ENPP2: variants seen among roughly 807,000 people sequenced by gnomAD.
ENPP2 encodes ectonucleotide pyrophosphatase/phosphodiesterase 2.
ENPP2 carries 51 observed loss-of-function variants against 120.2 expected under a neutral mutation model. The ratio of observed to expected loss-of-function variants is 0.42; its 90% CI spans 0.34 to 0.54. ENPP2 has a LOEUF of 0.54. Among genes scored for constraint, ENPP2 ranks in the 20% least tolerant of loss-of-function variants. The pLI is 0.04. For missense variants in ENPP2, 920 were observed against 1,066.5 expected (o/e 0.86, Z 1.91); for synonymous variants, 365 against 366.4 (o/e 1.00, Z 0.04).
At chr8:119,579,896 A>AG (rs1306504382) in intron 19 of ENPP2, among the ~76,000 whole-genome samples, 1 of 152,116 alleles carries the variant, frequency 6.6e-6, no homozygotes, top group Non-Finnish European at 1.5e-5. Context: ...AAAGCTATTG[A>AG]GGGGGGAGAA....
At position 119,582,519 on chromosome 8, in the gene ENPP2, T is replaced by C. The variant is rs533864234; in HGVS notation, c.1627A>G (p.Thr543Ala). The change falls in exon 18 of 25, where the codon ACC becomes GCC. Residue 543 changes from threonine to alanine, a missense_variant. Transcript: ENST00000075322. Reference protein sequence around the residue: ...HLLRTNTFRPTMPEEVTRPNY... With the variant: ...HLLRTNTFRPAMPEEVTRPNY... ...GGTCTGGTAACTTCCTCTGGCATGG[T>C]TGGCCTGAAGGTATTAGTGCGCAGG... 1.8e-5 allele frequency: 29 copies of C among 1,613,890 alleles called. No individual in the cohort carries two copies. The highest frequency in any genetic ancestry group is 2.3e-5 in the Non-Finnish European group (27 of 1,179,746).
chr8:119,617,580 T>A lies in ENPP2; in HGVS notation c.480-17A>T, dbSNP rs1815555943. The A allele has an allele frequency of 6.4e-7, 1 of 1,552,096 alleles. No homozygotes were observed. Among genetic ancestry groups the A allele is most frequent in the South Asian group, 1.1e-5 (1 of 89,100 alleles). Reference sequence around the variant, plus strand: ...CGAACAAACCTTAAACAGTAACACATTAAGCTTTTAGAAACATTATTACCA... The same window carrying A: ...CGAACAAACCTTAAACAGTAACACAATAAGCTTTTAGAAACATTATTACCA... On this transcript the variant is annotated splice_polypyrimidine_tract_variant and intron_variant, in intron 5 of 24. Coordinates refer to ENST00000075322, the MANE Select transcript of ENPP2 (RefSeq NM_001040092.3).
At chr8:119,646,159 C>A (rs542905419) in intron 1 of ENPP2, among the ~76,000 whole-genome samples, 7 of 151,852 alleles carry the variant, frequency 4.6e-5, no homozygotes, top group African/African-American at 1.7e-4. Context: ...TTAGTAGAGA[C>A]GGGGTTTCAC....
At chr8:119,561,778 G>A (rs996972217) in intron 24 of ENPP2, among the ~76,000 whole-genome samples, 2 of 150,196 alleles carry the variant, frequency 1.3e-5, no homozygotes, top group Admixed American at 1.3e-4. Context: ...TTTCTCGCTT[G>A]CTCTTGCTTT....
chr8:119,569,507 G>A (rs1814775089), intron 20 of ENPP2, 137 bp from the exon 21 acceptor site: 3 of 743,274 alleles, frequency 4.0e-6, no homozygotes, highest in Admixed American at 3.5e-5. Flanking sequence ...ATCTTTGATA[G>A]TCTGACTTCT....
At chr8:119,658,526 C>T (rs1817830879) in intron 1 of ENPP2, among the ~76,000 whole-genome samples, 1 of 152,214 alleles carries the variant, frequency 6.6e-6, no homozygotes, top group Non-Finnish European at 1.5e-5. Context: ...TAGGTTCAAA[C>T]CTCAGCACTG....
At chr8:119,642,041 T>C (rs116972228), upstream of ENPP2, among the ~76,000 whole-genome samples, 1,034 of 152,332 alleles carry the variant, frequency 6.8e-3, 5 homozygotes, top group Admixed American at 0.013. Flanking sequence ...ACGCATAATA[T>C]AGAGCTTTAA....
At chr8:119,605,538 G>A (rs1415777472) in intron 9 of ENPP2, among the ~76,000 whole-genome samples, 24 of 150,194 alleles carry the variant, frequency 1.6e-4, no homozygotes, top group East Asian at 5.9e-4. Flanking sequence ...TCAGCTCACC[G>A]AAACCTCTGC....
intron 24 of ENPP2, among the ~76,000 whole-genome samples, chr8:119,560,041 C>T (rs1396244455): frequency 6.6e-6 from 1 of 152,054 alleles, no homozygotes; most frequent in Non-Finnish European, 1.5e-5. Context: ...AAATTTAGAT[C>T]GATTACAGAA....
chr8:119,559,894 G>A (rs1813783732), intron 24 of ENPP2, among the ~76,000 whole-genome samples: 1 of 152,158 alleles, frequency 6.6e-6, no homozygotes, highest in Non-Finnish European at 1.5e-5. Context: ...GCTTCTACAT[G>A]AACAGGTGAC....
chr8:119,648,180 C>G (rs780876770), intron 1 of ENPP2, among the ~76,000 whole-genome samples: 5 of 152,078 alleles, frequency 3.3e-5, no homozygotes, highest in African/African-American at 2.4e-5. Flanking sequence ...AAGCAAGTAC[C>G]TCAGTGCTAA....
intron 19 of ENPP2, among the ~76,000 whole-genome samples, chr8:119,574,450 C>G (rs1587359907): frequency 6.6e-6 from 1 of 151,802 alleles, no homozygotes; most frequent in African/African-American, 2.4e-5. Context: ...CAGACCGAGC[C>G]TTCATTCCAC....
chr8:119,645,582 T>C (rs1013600370), intron 1 of ENPP2, among the ~76,000 whole-genome samples: 5 of 152,104 alleles, frequency 3.3e-5, no homozygotes, highest in Non-Finnish European at 7.4e-5. Flanking sequence ...CCCAGTACTT[T>C]GGGAGGCCGA....
Position 119,638,524 on chromosome 8 carries a change from T to C in ENPP2, c.37A>G (p.Ile13Val). The change falls in exon 2 of 25, where the codon ATA (isoleucine) becomes GTA (valine). Residue 13 changes from isoleucine (I) to valine (V), a missense_variant. Coordinates refer to ENST00000075322, the MANE Select transcript of ENPP2 (RefSeq NM_001040092.3). ...RRSSFQSCQIISLFTFAVGVN... is the reference protein window; with the variant it reads ...RRSSFQSCQIVSLFTFAVGVN... ...CCAACGGCAAAAGTGAACAGGGATA[T>C]TATCTAAGAGAATAAAGAGACCAAG... The C allele has an allele frequency of 6.4e-7, 1 of 1,564,356 alleles. No individual in the cohort carries two copies.
chr8:119,659,069 C>A (rs1007590148), intron 1 of ENPP2, among the ~76,000 whole-genome samples: 1 of 152,048 alleles, frequency 6.6e-6, no homozygotes, highest in Non-Finnish European at 1.5e-5. Context: ...AGTCCCAGCA[C>A]TTTGGAAGGC....
intron 4 of ENPP2, among the ~76,000 whole-genome samples, chr8:119,621,074 A>G (rs1261687096): frequency 6.6e-6 from 1 of 152,190 alleles, no homozygotes; most frequent in Non-Finnish European, 1.5e-5. Flanking sequence ...CGTTTCCTCA[A>G]TAAACTGCAT....
chr8:119,600,624 G>T, intron 11 of ENPP2, 54 bp downstream of exon 11: 2 of 1,072,306 alleles, frequency 1.9e-6, no homozygotes, highest in Non-Finnish European at 2.9e-6. Flanking sequence ...AAAGTCAGTA[G>T]ATCAGGTAGC....
chr8:119,643,354 T>C (rs1461154451), upstream of ENPP2, among the ~76,000 whole-genome samples: 1 of 152,180 alleles, frequency 6.6e-6, no homozygotes. Context: ...ACAGTTACAA[T>C]TCTAAACCAC....
At chr8:119,667,005 G>A (rs1247290811) in intron 1 of ENPP2, among the ~76,000 whole-genome samples, 1 of 152,028 alleles carries the variant, frequency 6.6e-6, no homozygotes, top group Admixed American at 6.6e-5. Context: ...GTCAGGGGTC[G>A]AGGTAGGAAA....
Sources: gnomAD v4.1 joint callset for allele counts (sites outside exome capture counted in the v4.1 genomes callset) on GRCh38, gnomAD v4.1.1 for gene constraint, MANE v1.5 for transcripts, NCBI Gene and HGNC (gene_info 2026-07-23, HGNC 2026-07-21) for gene names.